The following FAM120B variants were observed in gnomAD, a reference collection of about 807,000 sequenced individuals.
FAM120B encodes the protein family with sequence similarity 120 member B.
A neutral mutation model predicts 96.3 loss-of-function variants in FAM120B; 83 were observed. That is an observed-to-expected ratio of 0.86 (90% CI 0.72 to 1.03). FAM120B has a LOEUF of 1.03. Among genes scored for constraint, FAM120B ranks in the 50% least tolerant of loss-of-function variants. The pLI is 0.00. For missense variants in FAM120B, 1,027 were observed against 1,121.2 expected (o/e 0.92, Z 1.20); for synonymous variants, 407 against 402.7 (o/e 1.01, Z -0.13).
chr6:170,295,751 G>A lies in FAM120B; in HGVS notation c.48+298G>A, dbSNP rs1196432756. Among the ~76,000 whole-genome samples, 1 of 152,074 alleles carries A rather than the reference G, an allele frequency of 6.6e-6. No homozygotes were observed. Among genetic ancestry groups the A allele is most frequent in the African/African-American group, 2.4e-5 (1 of 41,418 alleles). On this transcript the variant is annotated intron_variant, in intron 1 of 10. Coordinates refer to the FAM120B transcript ENST00000537664. The surrounding 1 kb of genome is among the most constrained non-coding windows in gnomAD (Gnocchi z 7.8). Reference sequence around the variant, plus strand: ...GCGGCCGTGCAGAGAACAGGAAGACGGGCTCCAACCCCACCTGGTTCGTGT... The same window carrying A: ...GCGGCCGTGCAGAGAACAGGAAGACAGGCTCCAACCCCACCTGGTTCGTGT...
At chr6:170,346,132 ATGT>A (rs879531615) in intron 4 of FAM120B, among the ~76,000 whole-genome samples, 3 of 152,204 alleles carry the variant, frequency 2.0e-5, no homozygotes, top group Non-Finnish European at 4.4e-5. Flanking sequence ...GATGACCAAA[ATGT>A]TGTTATGTGG....
chr6:170,397,202 C>A (rs1778222137), intron 9 of FAM120B, among the ~76,000 whole-genome samples: 1 of 152,216 alleles, frequency 6.6e-6, no homozygotes, highest in South Asian at 2.1e-4. Context: ...GATGAGAGGC[C>A]TTCCTCACAT....
intron 6 of FAM120B, among the ~76,000 whole-genome samples, chr6:170,359,083 A>G (rs1020483125): frequency 6.6e-6 from 1 of 152,104 alleles, no homozygotes; most frequent in African/African-American, 2.4e-5. Flanking sequence ...ACTAAGTTTC[A>G]TTTATAAATG....
At chr6:170,350,104 C>T (rs888476889) in intron 5 of FAM120B, among the ~76,000 whole-genome samples, 2 of 152,180 alleles carry the variant, frequency 1.3e-5, no homozygotes, top group African/African-American at 4.8e-5. Flanking sequence ...CAGGCATACA[C>T]AGAGACCCAA....
At chr6:170,359,078 GTTTC>G (rs1010433207) in intron 6 of FAM120B, among the ~76,000 whole-genome samples, 2 of 152,080 alleles carry the variant, frequency 1.3e-5, no homozygotes, top group Non-Finnish European at 2.9e-5. Context: ...AAAAAACTAA[GTTTC>G]ATTTATAAAT....
At chr6:170,376,727 G>C (rs1414419361) in intron 6 of FAM120B, among the ~76,000 whole-genome samples, 1 of 152,218 alleles carries the variant, frequency 6.6e-6, no homozygotes, top group African/African-American at 2.4e-5. Context: ...ATCATCTTTT[G>C]AGGCGTTCGA....
chr6:170,345,184 C>G lies in FAM120B; in HGVS notation c.2018-2967C>G, dbSNP rs75247088. The stretch of plus-strand genomic sequence containing the variant: ...TGTCCATTGTTGCCTCCTTTCAATC[C>G]CAGAATAAGTTTTGTTTATAAGTGT... On this transcript the variant is annotated intron_variant, in intron 4 of 10. Transcript: ENST00000476287. Among the ~76,000 whole-genome samples, 1,347 of 152,254 alleles carry G rather than the reference C, an allele frequency of 8.8e-3. 67 individuals are homozygous for G. In the East Asian group the frequency reaches 0.11, roughly 12 times the overall value.
upstream of FAM120B, among the ~76,000 whole-genome samples, chr6:170,302,466 T>C (rs530652317): frequency 3.5e-4 from 53 of 152,354 alleles, no homozygotes; most frequent in African/African-American, 1.2e-3. Context: ...CTTGAGCTCA[T>C]GTGGTTGTTA....
At chr6:170,338,961 G>T (rs185110783) in intron 4 of FAM120B, among the ~76,000 whole-genome samples, 3 of 151,068 alleles carry the variant, frequency 2.0e-5, no homozygotes, top group Non-Finnish European at 2.9e-5. Context: ...ACACCAATAG[G>T]TCTTGACTCG....
chr6:170,311,698 T>A (rs937601287), intron 1 of FAM120B, among the ~76,000 whole-genome samples: 1 of 152,208 alleles, frequency 6.6e-6, no homozygotes, highest in African/African-American at 2.4e-5. Context: ...AGGGCAGGGA[T>A]CTCATCTGTC....
intron 9 of FAM120B, among the ~76,000 whole-genome samples, chr6:170,399,432 T>C (rs974412787): frequency 6.7e-4 from 98 of 146,906 alleles, no homozygotes; most frequent in African/African-American, 2.5e-3. Flanking sequence ...TCATAACTCT[T>C]AGGAGTGAGT....
intron 5 of FAM120B, among the ~76,000 whole-genome samples, chr6:170,355,891 A>C (rs1054075278): frequency 2.6e-5 from 4 of 152,130 alleles, no homozygotes; most frequent in African/African-American, 9.7e-5. Flanking sequence ...CAGTAAGCTG[A>C]CTTTTCCCAC....
chr6:170,341,222 G>A (rs1786803992), intron 4 of FAM120B, among the ~76,000 whole-genome samples: 1 of 152,226 alleles, frequency 6.6e-6, no homozygotes, highest in African/African-American at 2.4e-5. Context: ...AATCTAGAGA[G>A]GTAGTCTGGC....
intron 6 of FAM120B, among the ~76,000 whole-genome samples, chr6:170,383,662 G>A (rs998930672): frequency 3.3e-5 from 5 of 152,198 alleles, no homozygotes; most frequent in South Asian, 2.1e-4. Flanking sequence ...AAATTCTGGC[G>A]AGGATGCAGT....
intron 1 of FAM120B, chr6:170,298,105 C>G (rs1784060029): frequency 6.6e-6 from 1 of 152,206 alleles, no homozygotes; most frequent in South Asian, 2.1e-4. Flanking sequence ...GGACATCAGG[C>G]TGTGAATGAA....
chr6:170,358,138 A>G, intron 5 of FAM120B, 88 bp from the exon 6 acceptor site: 4 of 1,159,512 alleles, frequency 3.4e-6, no homozygotes, highest in South Asian at 2.8e-5. Context: ...GCCTATACAC[A>G]CACTCATAGT....
intron 2 of FAM120B, among the ~76,000 whole-genome samples, 162 bp from the exon 3 acceptor site, chr6:170,322,917 A>G (rs1038348696): frequency 3.9e-5 from 6 of 152,298 alleles, no homozygotes; most frequent in African/African-American, 1.4e-4. Context: ...GGTAGTCCAA[A>G]GGAAAGAGAA....
At chr6:170,380,774 A>G (rs1789857549) in intron 6 of FAM120B, among the ~76,000 whole-genome samples, 1 of 152,206 alleles carries the variant, frequency 6.6e-6, no homozygotes. Context: ...TGGTTTGCAA[A>G]TATTTTCTCC....
chr6:170,297,543 C>A (rs999075978), intron 1 of FAM120B, among the ~76,000 whole-genome samples: 3 of 152,210 alleles, frequency 2.0e-5, no homozygotes, highest in African/African-American at 7.2e-5. Flanking sequence ...TAAATCGGCT[C>A]CCAAAGCCTT....
Sources: allele counts gnomAD v4.1 joint callset (sites outside exome capture counted in the v4.1 genomes callset), GRCh38; gene constraint gnomAD v4.1.1; non-coding constraint Gnocchi (gnomAD v3.1); transcripts MANE v1.5; gene names NCBI Gene and HGNC (gene_info 2026-07-23, HGNC 2026-07-21).